Variants in TENM4 observed in about 807,000 individuals in gnomAD.
TENM4 encodes teneurin transmembrane protein 4, also known as teneurin-4.
A neutral mutation model predicts 243.3 loss-of-function variants in TENM4; 82 were observed. That is an observed-to-expected ratio of 0.34 (90% CI 0.28 to 0.40). The LOEUF (loss-of-function observed/expected upper bound fraction) is 0.40, where lower values mean the gene tolerates loss of function less well. Ranked by LOEUF, TENM4 falls within the 10% of genes least tolerant of loss-of-function variation. TENM4 has a pLI of 1.00. For synonymous variants in TENM4, 1,412 were observed against 1,456.3 expected, an observed-to-expected ratio of 0.97 and a Z score of 0.69; for missense variants, 3,138 against 3,673.3, an observed-to-expected ratio of 0.85 and a Z score of 3.77.
Position 79,169,032 on chromosome 11 carries a change from C to T in TENM4, c.-162-20226G>A, listed in dbSNP as rs141039917. Among the ~76,000 whole-genome samples the T allele has an allele frequency of 1.3e-3, 200 of 152,310 alleles. 1 individual carries two copies. The highest frequency in any genetic ancestry group is 4.7e-3 in the African/African-American group (194 of 41,564). On this transcript the variant is annotated intron_variant, in intron 3 of 33. Coordinates refer to ENST00000278550, the MANE Select transcript of TENM4 (RefSeq NM_001098816.3). ...AGCTGACCTAGGGTGACCAGCTCATCCCCTTTCACCCAGGACCTTTCCTAA... is the reference window on the plus strand; with the variant it reads ...AGCTGACCTAGGGTGACCAGCTCATTCCCTTTCACCCAGGACCTTTCCTAA...
Position 78,658,639 on chromosome 11 carries a change from C to T in TENM4, c.7729G>A (p.Gly2577Ser). The T allele has an allele frequency of 6.2e-7, 1 of 1,614,056 alleles. No homozygotes were observed. The highest frequency in any genetic ancestry group is 8.5e-7 in the Non-Finnish European group (1 of 1,179,900). ...GKGVKFALKD[G>S]RVTTDIISVA... ...CTGATGATGTCTGTGGTCACTCGGC[C>T]ATCCTTCAAGGCAAACTTGACCCCC... The change falls in exon 34 of 34, where the codon GGC becomes AGC. Residue 2577 changes from glycine to serine, a missense_variant. Physicochemically the swap from Gly to Ser is moderately conservative, Grantham distance 56 (BLOSUM62 0). Transcript: ENST00000278550.
intron 17 of TENM4, among the ~76,000 whole-genome samples, chr11:78,776,003 T>G (rs548534073): frequency 6.6e-6 from 1 of 152,340 alleles, no homozygotes; most frequent in East Asian, 1.9e-4. Flanking sequence ...ACTTATCATA[T>G]ATCAAATGGC....
In TENM4 at chr11:79,085,806, A is replaced by C. The variant is rs577691614; in HGVS notation, c.-65-15797T>G. Among the ~76,000 whole-genome samples the C allele has an allele frequency of 2.6e-5, 4 of 152,346 alleles. No homozygotes were observed. The East Asian group carries it at 5.8e-4, about 22-fold the overall frequency. The stretch of plus-strand genomic sequence containing the variant: ...GTCTTATTACCTGAAACTGCTCTGC[A>C]TATACCCATAACCCCACACTTTACA... On this transcript the variant is annotated intron_variant, in intron 4 of 33. Transcript: ENST00000278550.
chr11:79,247,348 C>T (rs138076790), intron 2 of TENM4, among the ~76,000 whole-genome samples: 2 of 138,694 alleles, frequency 1.4e-5, no homozygotes, highest in East Asian at 2.3e-4. Flanking sequence ...ATCTGGGAGG[C>T]GGAAGTTGCA....
At chr11:78,705,298 G>C (rs1859218122) in intron 27 of TENM4, among the ~76,000 whole-genome samples, 1 of 152,154 alleles carries the variant, frequency 6.6e-6, no homozygotes, top group South Asian at 2.1e-4. Flanking sequence ...GGAGAGAGGA[G>C]AGGAAAGAGA....
chr11:79,227,862 C>A (rs1864301666), intron 2 of TENM4, among the ~76,000 whole-genome samples: 1 of 152,150 alleles, frequency 6.6e-6, no homozygotes, highest in African/African-American at 2.4e-5. Flanking sequence ...AGACACCTGT[C>A]AGTAGATTGG....
intron 12 of TENM4, among the ~76,000 whole-genome samples, chr11:78,837,164 C>G (rs548751646): frequency 6.6e-6 from 1 of 152,150 alleles, no homozygotes; most frequent in Non-Finnish European, 1.5e-5. Context: ...AATTCCCATA[C>G]GTTGTGGGAG....
chr11:79,229,138 T>C (rs1864329596), intron 2 of TENM4, among the ~76,000 whole-genome samples: 4 of 152,222 alleles, frequency 2.6e-5, no homozygotes, highest in South Asian at 4.1e-4. Context: ...TGTGAACTAT[T>C]GGGATGAACT....
At chr11:78,821,939 A>C (rs1009423521) in intron 12 of TENM4, among the ~76,000 whole-genome samples, 2 of 152,322 alleles carry the variant, frequency 1.3e-5, no homozygotes, top group East Asian at 3.9e-4. Flanking sequence ...TATCTGCCCA[A>C]ATATTGTAAA....
At chr11:79,414,862 A>C (rs527753588) in intron 1 of TENM4, among the ~76,000 whole-genome samples, 2 of 152,284 alleles carry the variant, frequency 1.3e-5, no homozygotes, top group South Asian at 4.1e-4. Flanking sequence ...CTTGAACCTA[A>C]AACTCGGGCA....
intron 6 of TENM4, among the ~76,000 whole-genome samples, chr11:78,945,148 C>T (rs538500098): frequency 1.7e-4 from 26 of 152,286 alleles, no homozygotes; most frequent in African/African-American, 3.9e-4. Flanking sequence ...TTTGCTGTAG[C>T]GCATTTTGCA....
intron 6 of TENM4, among the ~76,000 whole-genome samples, chr11:78,984,325 C>T (rs1470244021): frequency 2.6e-5 from 4 of 152,116 alleles, no homozygotes; most frequent in Non-Finnish European, 5.9e-5. Context: ...AATGTTAATT[C>T]CCCCTTCTCT....
chr11:79,170,449 T>C (rs1863015823), intron 3 of TENM4, among the ~76,000 whole-genome samples: 1 of 152,174 alleles, frequency 6.6e-6, no homozygotes. Flanking sequence ...AATGTGACCT[T>C]ATTTGGAAAC....
chr11:78,823,105 C>T (rs1213932324), intron 12 of TENM4, among the ~76,000 whole-genome samples: 1 of 152,190 alleles, frequency 6.6e-6, no homozygotes, highest in Non-Finnish European at 1.5e-5. Flanking sequence ...CCAGAGAGAT[C>T]ACTGAGACAC....
chr11:78,735,842 C>T (rs1207675950), intron 20 of TENM4, among the ~76,000 whole-genome samples: 1 of 149,980 alleles, frequency 6.7e-6, no homozygotes, highest in East Asian at 2.0e-4. Flanking sequence ...GCTCCCACCC[C>T]TCCCCTCCCC....
chr11:79,126,902 C>T (rs370950203), intron 4 of TENM4, among the ~76,000 whole-genome samples: 1 of 152,202 alleles, frequency 6.6e-6, no homozygotes, highest in African/African-American at 2.4e-5. Context: ...AATGATCAGA[C>T]ATTTTGGGGA....
chr11:79,356,817 AT>A (rs143335195), intron 1 of TENM4, among the ~76,000 whole-genome samples: 93 of 152,138 alleles, frequency 6.1e-4, no homozygotes, highest in African/African-American at 2.1e-3. Context: ...GAATAATGCC[AT>A]TTTTTGGTCC....
chr11:78,672,358 A>C (rs749095746), intron 30 of TENM4, 29 bp from the exon 31 acceptor site: 1 of 1,592,710 alleles, frequency 6.3e-7, no homozygotes, highest in Non-Finnish European at 8.6e-7. Context: ...GGAAAGAGAA[A>C]ATTAATCTGG....
At chr11:79,396,447 C>T (rs112616276) in intron 1 of TENM4, among the ~76,000 whole-genome samples, 212 of 152,184 alleles carry the variant, frequency 1.4e-3, no homozygotes, top group African/African-American at 4.8e-3. Flanking sequence ...GGGTTCAGTC[C>T]CTCCTAAAAG....
Sources: gnomAD v4.1 joint callset for allele counts (sites outside exome capture counted in the v4.1 genomes callset) on GRCh38, gnomAD v4.1.1 for gene constraint, MANE v1.5 for transcripts, NCBI Gene and HGNC (gene_info 2026-07-23, HGNC 2026-07-21) for gene names.